Variants in EFNB2 observed in about 807,000 individuals in gnomAD.
EFNB2 encodes ephrin B2.
EFNB2 carries 5 observed loss-of-function variants against 32.1 expected under a neutral mutation model. That is an observed-to-expected ratio of 0.16 (90% confidence interval 0.08 to 0.33). The LOEUF is 0.33. Ranked by LOEUF, EFNB2 falls within the 10% of genes least tolerant of loss-of-function variation. The pLI is 1.00. For missense variants in EFNB2, 263 were observed against 422.6 expected, an observed-to-expected ratio of 0.62 and a Z score of 3.31; for synonymous variants, 168 against 166.5, an observed-to-expected ratio of 1.01 and a Z score of -0.07.
intron 1 of EFNB2, chr13:106,520,129 G>A (rs1287325098): frequency 6.6e-6 from 1 of 152,200 alleles, no homozygotes; most frequent in Non-Finnish European, 1.5e-5. Context: ...GCTCAGCCTA[G>A]CAGTTGCAAA....
chr13:106,497,905 G>A (rs1056229620), intron 2 of EFNB2, among the ~76,000 whole-genome samples: 1 of 152,080 alleles, frequency 6.6e-6, no homozygotes, highest in African/African-American at 2.4e-5. Flanking sequence ...TTTCCTATTT[G>A]ATTTTTCTAA....
chr13:106,522,454 C>G lies in EFNB2; in HGVS notation c.123-9642G>C, dbSNP rs530355045. On this transcript the variant is annotated intron_variant, in intron 1 of 4. Transcript: ENST00000646441. ...TCAAAGGGCATTTCCAGCTGGTTCT[C>G]TCTTGTTTTAGATATGAGTGTTCAA... Among the ~76,000 whole-genome samples, 35 of 152,300 alleles carry G rather than the reference C, an allele frequency of 2.3e-4. No individual in the cohort carries two copies. In the South Asian group the frequency reaches 5.6e-3, roughly 24 times the overall value.
At chr13:106,519,784 C>T (rs1016967109) in intron 1 of EFNB2, 1 of 152,108 alleles carries the variant, frequency 6.6e-6, no homozygotes. Context: ...AATAAATAGT[C>T]AATGCTTTTG....
intron 1 of EFNB2, among the ~76,000 whole-genome samples, chr13:106,515,191 C>T (rs9520092): frequency 0.53 from 81,182 of 151,984 alleles, 22,763 homozygotes; most frequent in Non-Finnish European, 0.61. Flanking sequence ...ACGCAGGGGT[C>T]GGTGTGGCTT....
At chr13:106,509,603 C>CA in intron 2 of EFNB2, among the ~76,000 whole-genome samples, 1 of 149,632 alleles carries the variant, frequency 6.7e-6, no homozygotes. Flanking sequence ...CTTTCCTTCT[C>CA]AAAAAAGCCA....
intron 2 of EFNB2, chr13:106,509,825 T>C (rs1290882893): frequency 6.6e-6 from 1 of 152,226 alleles, no homozygotes; most frequent in African/African-American, 2.4e-5. Flanking sequence ...CTAGGGAAAC[T>C]TGTAGATCAA....
In EFNB2 at chr13:106,493,451, G is replaced by C. The variant is rs375246343; in HGVS notation, c.614-23C>G. On this transcript the variant is annotated intron_variant, in intron 4 of 4. Coordinates refer to ENST00000646441, the MANE Select transcript of EFNB2 (RefSeq NM_004093.4). This position sits in a 1 kb window ranked among gnomAD's most constrained non-coding sequence, Gnocchi z 6.1. Reference sequence around the variant, plus strand: ...AACCTGCAGACGCGGAGACAGAAAAGGTCAGAGATAGTTACTGCTGTCCCA... The same window carrying C: ...AACCTGCAGACGCGGAGACAGAAAACGTCAGAGATAGTTACTGCTGTCCCA... 8.8e-6 allele frequency: 14 copies of C among 1,589,866 alleles called. No homozygotes were observed. The African/African-American group carries it at 1.9e-4, about 21-fold the overall frequency.
chr13:106,507,973 G>A (rs543193202), intron 2 of EFNB2, among the ~76,000 whole-genome samples: 1 of 152,312 alleles, frequency 6.6e-6, no homozygotes, highest in East Asian at 1.9e-4. Flanking sequence ...CTGTTCACTG[G>A]AAAAGTATGA....
chr13:106,498,883 A>T (rs1878679521), intron 2 of EFNB2, among the ~76,000 whole-genome samples: 1 of 152,158 alleles, frequency 6.6e-6, no homozygotes, highest in African/African-American at 2.4e-5. Flanking sequence ...CTTTTAAGTC[A>T]ACCTGTGACT....
chr13:106,510,890 T>C (rs2138919225), intron 2 of EFNB2, among the ~76,000 whole-genome samples: 1 of 152,162 alleles, frequency 6.6e-6, no homozygotes, highest in South Asian at 2.1e-4. Flanking sequence ...TCCCAGCTAC[T>C]TGGGAGGCTG....
intron 1 of EFNB2, 127 bp downstream of exon 1, chr13:106,534,716 G>A: frequency 9.0e-7 from 1 of 1,111,162 alleles, no homozygotes; most frequent in Non-Finnish European, 1.3e-6. Flanking sequence ...GGGGGTTGGG[G>A]GTGGGGGACG....
chr13:106,500,341 A>C (rs1878733137), intron 2 of EFNB2, among the ~76,000 whole-genome samples: 1 of 152,248 alleles, frequency 6.6e-6, no homozygotes, highest in South Asian at 2.1e-4. Context: ...ACTGGCACAG[A>C]GATGTGAAAC....
At chr13:106,532,140 A>T (rs1879897490) in intron 1 of EFNB2, among the ~76,000 whole-genome samples, 1 of 152,160 alleles carries the variant, frequency 6.6e-6, no homozygotes, top group Non-Finnish European at 1.5e-5. Context: ...GTATCAAAGC[A>T]ATGTGAATAA....
chr13:106,510,517 G>A (rs1879107340), intron 2 of EFNB2, among the ~76,000 whole-genome samples: 2 of 152,162 alleles, frequency 1.3e-5, no homozygotes, highest in Middle Eastern at 3.2e-3. Flanking sequence ...GGTGGACGTG[G>A]GCTGCATCCA....
At chr13:106,522,562 GA>G (rs1213023710) in intron 1 of EFNB2, among the ~76,000 whole-genome samples, 3 of 152,178 alleles carry the variant, frequency 2.0e-5, no homozygotes, top group Non-Finnish European at 4.4e-5. Context: ...CCTTGGCATT[GA>G]AAAAACTCAA....
At chr13:106,504,743 A>G (rs1176008351) in intron 2 of EFNB2, among the ~76,000 whole-genome samples, 1 of 152,130 alleles carries the variant, frequency 6.6e-6, no homozygotes, top group Non-Finnish European at 1.5e-5. Flanking sequence ...GGGTCTGCCA[A>G]TCCATCAGTC....
chr13:106,532,229 A>T (rs1824197810), intron 1 of EFNB2, among the ~76,000 whole-genome samples: 2 of 152,106 alleles, frequency 1.3e-5, no homozygotes, highest in South Asian at 4.1e-4. Flanking sequence ...AGAGCCGACA[A>T]TGTGATTAAA....
chr13:106,497,697 C>T (rs1878638174), intron 2 of EFNB2, among the ~76,000 whole-genome samples: 1 of 152,108 alleles, frequency 6.6e-6, no homozygotes, highest in East Asian at 1.9e-4. Flanking sequence ...CCCAGTCCCC[C>T]ACCTCACGAC....
At chr13:106,494,815 C>A in intron 4 of EFNB2, 66 bp downstream of exon 4, 1 of 1,282,274 alleles carries the variant, frequency 7.8e-7, no homozygotes, top group Non-Finnish European at 1.1e-6. Context: ...TCTGCCCTAC[C>A]TTTTAAGATA....
Sources: allele counts gnomAD v4.1 joint callset (sites outside exome capture counted in the v4.1 genomes callset), GRCh38; gene constraint gnomAD v4.1.1; non-coding constraint Gnocchi (gnomAD v3.1); transcripts MANE v1.5; gene names NCBI Gene and HGNC (gene_info 2026-07-23, HGNC 2026-07-21).